The following JAKMIP2 variants were observed in gnomAD, a reference collection of about 807,000 sequenced individuals.
JAKMIP2 encodes the protein janus kinase and microtubule interacting protein 2, also known as janus kinase and microtubule-interacting protein 2.
Under a neutral mutation model 115.0 loss-of-function variants are expected in JAKMIP2, and 25 were observed. The ratio of observed to expected loss-of-function variants is 0.22; its 90% confidence interval spans 0.16 to 0.30. JAKMIP2 has a LOEUF of 0.30. JAKMIP2 is among the 10% of genes least tolerant of loss of function. The probability of loss-of-function intolerance (pLI) is 1.00; values close to 1 mark genes in which losing one functional copy is unlikely to be tolerated. For synonymous variants in JAKMIP2, 334 were observed against 343.6 expected, an observed-to-expected ratio of 0.97 and a Z score of 0.31; for missense variants, 642 against 957.6, an observed-to-expected ratio of 0.67 and a Z score of 4.35.
In JAKMIP2 at chr5:147,636,413, GCA is replaced by G. The variant is rs556188619; in HGVS notation, c.1615-131_1615-130del. ...TTTGCCTGCCAAAGACTGGTAAGTA[GCA>G]CCCACCCCTGCCAGCTCCTTCAAAG... On this transcript the variant is annotated intron_variant, in intron 11 of 21. Transcript: ENST00000616793. 34 of 684,994 alleles carry G rather than the reference GCA, an allele frequency of 5.0e-5. No individual in the cohort carries two copies. The South Asian group carries it at 6.0e-4, about 12-fold the overall frequency. The allele number at this position is 684,994 out of a possible 1,614,324, so 42.4% of individuals were successfully genotyped here.
Position 147,612,366 on chromosome 5 carries a change from A to T in JAKMIP2, c.2352T>A (p.Ile784=). ...TGTCTGTTTTATCTTCTAAGTCACG[A>T]ATTCTCTGAAGAAAGAAAAGAAAAG... The part of the protein sequence containing the change: ...MELLQQAHQR[I]RDLEDKTDIQ... Residue 784 remains isoleucine, a synonymous_variant, in exon 20 of 22, where the codon ATT becomes ATA. Coordinates refer to ENST00000616793, the MANE Select transcript of JAKMIP2 (RefSeq NM_001270941.2). 1 of 1,549,696 alleles carries T rather than the reference A, an allele frequency of 6.5e-7. No homozygotes were observed. Among genetic ancestry groups the T allele is most frequent in the Non-Finnish European group, 8.8e-7 (1 of 1,131,104 alleles).
chr5:147,586,783 A>C lies in JAKMIP2; in HGVS notation c.*4924T>G, dbSNP rs1282409671. 4.3e-5 allele frequency: 5 copies of C among 116,432 alleles called. No homozygotes were observed. Among genetic ancestry groups the C allele is most frequent in the Non-Finnish European group, 8.3e-5 (5 of 60,244 alleles). 7.2% of individuals were successfully genotyped at this position (116,432 alleles called of 1,614,324 possible). A position where few individuals can be genotyped will look rare whatever the true frequency, so the allele number is the denominator to read the frequency against. On this transcript the variant is annotated 3_prime_UTR_variant, in exon 22 of 22. Coordinates refer to ENST00000616793, the MANE Select transcript of JAKMIP2 (RefSeq NM_001270941.2). ...CTTTTTTTTTTTTTTTTTTGAGATG[A>C]GGTCTCACCATGTTGCCCAGGCCGT...
intron 1 of JAKMIP2, among the ~76,000 whole-genome samples, chr5:147,700,637 A>AT (rs1320863128): frequency 2.6e-5 from 4 of 152,128 alleles, no homozygotes; most frequent in African/African-American, 7.2e-5. Context: ...TTGTTTCCCC[A>AT]TTTTGTCACT....
chr5:147,708,029 A>C (rs1752645451), intron 1 of JAKMIP2, among the ~76,000 whole-genome samples: 1 of 152,214 alleles, frequency 6.6e-6, no homozygotes, highest in South Asian at 2.1e-4. Context: ...TTTATCAATA[A>C]ATATTTGCCT....
intron 1 of JAKMIP2, among the ~76,000 whole-genome samples, chr5:147,674,295 G>T (rs919039749): frequency 6.6e-6 from 1 of 152,032 alleles, no homozygotes; most frequent in Non-Finnish European, 1.5e-5. Context: ...AATCTGATCC[G>T]CTTTGGCCAA....
chr5:147,705,393 A>G (rs1055708369), intron 1 of JAKMIP2, among the ~76,000 whole-genome samples: 4 of 152,140 alleles, frequency 2.6e-5, no homozygotes, highest in Non-Finnish European at 4.4e-5. Flanking sequence ...GCTTGAGCCT[A>G]GGAGTTTGAG....
intron 1 of JAKMIP2, among the ~76,000 whole-genome samples, chr5:147,678,179 T>C (rs1422352633): frequency 6.6e-6 from 1 of 152,140 alleles, no homozygotes; most frequent in Non-Finnish European, 1.5e-5. Context: ...AATTTTTGTA[T>C]TTTTAGTAAA....
At chr5:147,668,179 C>A (rs1274225227) in intron 2 of JAKMIP2, among the ~76,000 whole-genome samples, 1 of 152,140 alleles carries the variant, frequency 6.6e-6, no homozygotes. Context: ...GTCTTGCAAC[C>A]CAGGCCTGTT....
In JAKMIP2 at chr5:147,661,606, G is replaced by C. The variant is rs541000584; in HGVS notation, c.130-161C>G. The C allele has an allele frequency of 1.2e-4, 79 of 651,612 alleles. No individual in the cohort carries two copies. In the East Asian group the frequency reaches 1.9e-3, roughly 16 times the overall value. 40.4% of individuals were successfully genotyped at this position (651,612 alleles called of 1,614,324 possible). On this transcript the variant is annotated intron_variant, in intron 2 of 21. Transcript: ENST00000616793. ...AAAAGAACTACAGGCCTTGAAGCTGGGAATACAGTGTGTAAGAGGAGGAAA... is the reference window on the plus strand; with the variant it reads ...AAAAGAACTACAGGCCTTGAAGCTGCGAATACAGTGTGTAAGAGGAGGAAA...
chr5:147,713,884 A>T (rs1752871197), intron 1 of JAKMIP2, among the ~76,000 whole-genome samples: 1 of 152,178 alleles, frequency 6.6e-6, no homozygotes, highest in African/African-American at 2.4e-5. Flanking sequence ...GCAAAGCAAA[A>T]GTAAATGAGT....
At chr5:147,659,863 A>T (rs1561520508) in intron 3 of JAKMIP2, among the ~76,000 whole-genome samples, 1 of 152,238 alleles carries the variant, frequency 6.6e-6, no homozygotes, top group Admixed American at 6.5e-5. Context: ...CTATTGCAGT[A>T]TAAAGAAAAA....
At position 147,590,618 on chromosome 5, in the gene JAKMIP2, C is replaced by G. The variant is rs186780803; in HGVS notation, c.*1089G>C. ...TCACATCTCTGTGGCAAACCCGACT[C>G]TTGGTAGAAATTTACTCATTGATTC... On this transcript the variant is annotated 3_prime_UTR_variant, in exon 22 of 22. Coordinates refer to ENST00000616793, the MANE Select transcript of JAKMIP2 (RefSeq NM_001270941.2). 3.0e-4 allele frequency: 45 copies of G among 152,246 alleles called. No homozygotes were observed. Among genetic ancestry groups the G allele is most frequent in the Admixed American group, 2.7e-3 (41 of 15,292 alleles). 9.4% of individuals were successfully genotyped at this position (152,246 alleles called of 1,614,324 possible). A position where few individuals can be genotyped will look rare whatever the true frequency, so the allele number is the denominator to read the frequency against.
intron 3 of JAKMIP2, among the ~76,000 whole-genome samples, chr5:147,658,837 A>G (rs1758815749): frequency 6.6e-6 from 1 of 152,056 alleles, no homozygotes; most frequent in South Asian, 2.1e-4. Flanking sequence ...GTCAGGGGAA[A>G]ACCACCAACT....
chr5:147,780,539 T>C (rs1345803569), intron 1 of JAKMIP2, among the ~76,000 whole-genome samples: 3 of 152,194 alleles, frequency 2.0e-5, no homozygotes, highest in Admixed American at 6.5e-5. Flanking sequence ...TGTTATACAA[T>C]TTGTTATAAC....
chr5:147,591,629 T>C lies in JAKMIP2; in HGVS notation c.*78A>G. On this transcript the variant is annotated 3_prime_UTR_variant, in exon 22 of 22. Coordinates refer to ENST00000616793, the MANE Select transcript of JAKMIP2 (RefSeq NM_001270941.2). ...CTCACTGGTGTAAACAATTTTGCCA[T>C]CTTTGAAGGTTTAGAAGCACTTGTC... The C allele has an allele frequency of 2.5e-6, 4 of 1,574,522 alleles. No homozygotes were observed. Among genetic ancestry groups the C allele is most frequent in the Middle Eastern group, 3.3e-4 (2 of 5,982 alleles).
chr5:147,612,877 A>T (rs573557548), intron 19 of JAKMIP2, among the ~76,000 whole-genome samples: 1 of 152,338 alleles, frequency 6.6e-6, no homozygotes, highest in African/African-American at 2.4e-5. Context: ...GATGTAAACA[A>T]TCCAATTGTT....
intron 1 of JAKMIP2, among the ~76,000 whole-genome samples, chr5:147,750,561 T>TACAAACACAC (rs1754510672): frequency 7.0e-6 from 1 of 142,808 alleles, no homozygotes. Context: ...TGCCAGAAAA[T>TACAAACACAC]ACACACACAC....
intron 12 of JAKMIP2, among the ~76,000 whole-genome samples, chr5:147,633,751 A>G (rs1006343463): frequency 2.7e-5 from 4 of 146,104 alleles, no homozygotes; most frequent in Admixed American, 1.4e-4. Context: ...GCTGGAGTGC[A>G]TGATCTCAGT....
At chr5:147,632,847 A>G in intron 12 of JAKMIP2, 69 bp from the exon 13 acceptor site, 1 of 953,918 alleles carries the variant, frequency 1.0e-6, no homozygotes, top group Non-Finnish European at 1.7e-6. Context: ...AAGCATGAAT[A>G]GTGTTCAGTT....
Sources: allele counts gnomAD v4.1 joint callset (sites outside exome capture counted in the v4.1 genomes callset), GRCh38; gene constraint gnomAD v4.1.1; transcripts MANE v1.5; gene names NCBI Gene and HGNC (gene_info 2026-07-23, HGNC 2026-07-21).